DIP2C: variants seen among roughly 807,000 people sequenced by gnomAD.
DIP2C encodes the protein DIP2 acetate--CoA ligase C (putative), also known as disco-interacting protein 2 homolog C.
A neutral mutation model predicts 192.4 loss-of-function variants in DIP2C; 33 were observed. The ratio of observed to expected loss-of-function variants is 0.17; its 90% CI spans 0.13 to 0.23. The LOEUF (loss-of-function observed/expected upper bound fraction) is 0.23, where lower values mean the gene tolerates loss of function less well. DIP2C is among the 10% of genes least tolerant of loss of function. DIP2C has a pLI of 1.00. For synonymous variants in DIP2C, 979 were observed against 864.1 expected (o/e 1.13, Z -2.33); for missense variants, 1,537 against 2,110.1 (o/e 0.73, Z 5.32).
intron 1 of DIP2C, among the ~76,000 whole-genome samples, chr10:498,514 G>A (rs750613990): frequency 7.2e-5 from 11 of 152,214 alleles, no homozygotes; most frequent in Admixed American, 2.6e-4. Context: ...AGAACACAGC[G>A]CAGTCATGCT....
intron 2 of DIP2C, among the ~76,000 whole-genome samples, chr10:482,159 TTCC>T (rs1039235941): frequency 2.0e-5 from 3 of 151,770 alleles, no homozygotes; most frequent in African/African-American, 7.3e-5. Context: ...CTGAGCAGAG[TTCC>T]TCATGTGGAT....
chr10:288,754 G>A (rs763242611), intron 32 of DIP2C, among the ~76,000 whole-genome samples: 32 of 152,196 alleles, frequency 2.1e-4, no homozygotes, highest in Admixed American at 8.5e-4. Flanking sequence ...AAAGAGCTGC[G>A]GGTCACCCAC....
intron 33 of DIP2C, among the ~76,000 whole-genome samples, chr10:287,736 T>TA (rs1554804968): frequency 2.0e-4 from 30 of 150,960 alleles, no homozygotes; most frequent in African/African-American, 6.1e-4. Flanking sequence ...TTAGTTCTAG[T>TA]AAAAAAACAA....
intron 1 of DIP2C, among the ~76,000 whole-genome samples, chr10:682,813 T>C (rs563095495): frequency 5.9e-5 from 9 of 151,418 alleles, no homozygotes; most frequent in African/African-American, 2.2e-4. Context: ...GCCAATGGAA[T>C]TAGTTTGGGT....
At chr10:676,194 T>C (rs1830870460) in intron 1 of DIP2C, among the ~76,000 whole-genome samples, 1 of 152,150 alleles carries the variant, frequency 6.6e-6, no homozygotes, top group Admixed American at 6.5e-5. Flanking sequence ...AGAAAAAGCA[T>C]TTGATAAAAT....
intron 1 of DIP2C, among the ~76,000 whole-genome samples, chr10:528,562 T>C (rs1245549538): frequency 6.6e-6 from 1 of 152,212 alleles, no homozygotes; most frequent in Non-Finnish European, 1.5e-5. Context: ...TGTGCACTTA[T>C]CACACAACCA....
At chr10:537,373 T>C (rs1847747902) in intron 1 of DIP2C, among the ~76,000 whole-genome samples, 1 of 152,178 alleles carries the variant, frequency 6.6e-6, no homozygotes, top group East Asian at 1.9e-4. Flanking sequence ...TAAAACTGTT[T>C]CTAAAATACC....
In DIP2C at chr10:491,368, G is replaced by A. The variant is rs117644139; in HGVS notation, c.86-4838C>T. On this transcript the variant is annotated intron_variant, in intron 1 of 36. Coordinates refer to ENST00000280886, the MANE Select transcript of DIP2C (RefSeq NM_014974.3). ...ATCGTTTCCATGTTGGGAATTCTAC[G>A]GCTGTCAGGAGCCCTGGTGCTGCTG... Among the ~76,000 whole-genome samples the A allele has an allele frequency of 3.2e-3, 490 of 152,300 alleles. 19 individuals carry two copies. The East Asian group carries it at 0.086, about 27-fold the overall frequency.
At position 443,090 on chromosome 10, in the gene DIP2C, G is replaced by A. The variant is rs774198980; in HGVS notation, c.269-2094C>T. Among the ~76,000 whole-genome samples the A allele has an allele frequency of 3.8e-4, 58 of 152,110 alleles. 1 individual carries two copies. The highest frequency in any genetic ancestry group is 3.9e-4 in the East Asian group (2 of 5,194). On this transcript the variant is annotated intron_variant, in intron 3 of 36. Transcript: ENST00000280886. ...TGTCCTGTGTGGCAATGTTAATGTC[G>A]GCAACTCAGTGAAGGTGGTGCTTAA...
At chr10:303,249 C>T (rs1026952313) in intron 32 of DIP2C, among the ~76,000 whole-genome samples, 14 of 152,010 alleles carry the variant, frequency 9.2e-5, no homozygotes, top group Admixed American at 2.6e-4. Context: ...TAAGACATCA[C>T]TGCATGAGGC....
chr10:582,211 G>A (rs1850712670), intron 1 of DIP2C, among the ~76,000 whole-genome samples: 4 of 152,128 alleles, frequency 2.6e-5, no homozygotes, highest in Admixed American at 2.6e-4. Flanking sequence ...TGCAGCCCAG[G>A]GCTAAGCCCT....
At chr10:628,883 C>G (rs2131873054) in intron 1 of DIP2C, 1 of 152,604 alleles carries the variant, frequency 6.6e-6, no homozygotes, top group Non-Finnish European at 1.5e-5. Flanking sequence ...ATGCCAGGGG[C>G]ACCCCCAGCC....
chr10:627,250 G>A (rs1301586651), intron 1 of DIP2C, among the ~76,000 whole-genome samples: 1 of 152,228 alleles, frequency 6.6e-6, no homozygotes, highest in Non-Finnish European at 1.5e-5. Flanking sequence ...CATGCCCCGG[G>A]CAAGAAGGCC....
intron 1 of DIP2C, among the ~76,000 whole-genome samples, chr10:491,918 A>AGG (rs904299244): frequency 2.3e-4 from 35 of 152,280 alleles, no homozygotes; most frequent in African/African-American, 8.4e-4. Flanking sequence ...ACAGAAAACC[A>AGG]GGGGCTAGGA....
chr10:613,092 T>TA (rs1853212064), intron 1 of DIP2C, among the ~76,000 whole-genome samples: 2 of 152,198 alleles, frequency 1.3e-5, no homozygotes, highest in Admixed American at 1.3e-4. Flanking sequence ...AGGACCGTTC[T>TA]AAGGAGAGCT....
rs1173864250 is a variant in DIP2C, at chr10:662,186, C to T, written c.85+27308G>A. 4 of 708,508 alleles carry T rather than the reference C, an allele frequency of 5.6e-6. No homozygotes were observed. The East Asian group carries it at 1.1e-4, about 19-fold the overall frequency. 43.9% of individuals were successfully genotyped at this position (708,508 alleles called of 1,614,324 possible). ...TCAGATAGGCACATGCATATTTTAT[C>T]TATACACAAAGAGTACAGGCCTCAC... is the stretch of plus-strand genomic sequence containing the variant. On this transcript the variant is annotated intron_variant, in intron 1 of 36. Transcript: ENST00000280886.
chr10:414,190 C>T (rs945479115), intron 7 of DIP2C, 80 bp from the exon 8 acceptor site: 2 of 1,458,054 alleles, frequency 1.4e-6, no homozygotes, highest in Non-Finnish European at 1.9e-6. Flanking sequence ...TATAAAGAAG[C>T]CAAGAGATTT....
chr10:672,499 G>A (rs1830700601), intron 1 of DIP2C, among the ~76,000 whole-genome samples: 2 of 152,176 alleles, frequency 1.3e-5, no homozygotes, highest in South Asian at 2.1e-4. Context: ...CCAGAGATGA[G>A]CAGGTTCACA....
In DIP2C at chr10:277,215, C is replaced by A; in HGVS notation, c.*110G>T. On this transcript the variant is annotated 3_prime_UTR_variant, in exon 37 of 37. Transcript: ENST00000280886. ...TCCTCCTCTTCCTCCTCCACTCTCACCACAAATGGCTGTATTCTGGTGAGT... is the reference window on the plus strand; with the variant it reads ...TCCTCCTCTTCCTCCTCCACTCTCAACACAAATGGCTGTATTCTGGTGAGT... The A allele has an allele frequency of 6.7e-7, 1 of 1,500,836 alleles. No homozygotes were observed. Among genetic ancestry groups the A allele is most frequent in the Non-Finnish European group, 9.0e-7 (1 of 1,116,210 alleles). 93.0% of individuals were successfully genotyped at this position (1,500,836 alleles called of 1,614,324 possible).
Sources: gnomAD v4.1 joint callset for allele counts (sites outside exome capture counted in the v4.1 genomes callset) on GRCh38, gnomAD v4.1.1 for gene constraint, MANE v1.5 for transcripts, NCBI Gene and HGNC (gene_info 2026-07-23, HGNC 2026-07-21) for gene names.